TCF12: variants seen among roughly 807,000 people sequenced by gnomAD.
TCF12 encodes DNA-binding protein HTF4.
A neutral mutation model predicts 86.0 loss-of-function variants in TCF12; 45 were observed. The observed-to-expected ratio is 0.52, with a 90% CI of 0.41 to 0.67. TCF12 has a LOEUF of 0.67. Among genes scored for constraint, TCF12 ranks in the 30% least tolerant of loss-of-function variants. The pLI is 0.00. For missense variants in TCF12, 881 were observed against 859.9 expected (o/e 1.02, Z -0.31); for synonymous variants, 330 against 299.6 (o/e 1.10, Z -1.05).
intron 5 of TCF12, among the ~76,000 whole-genome samples, chr15:57,160,259 A>G (rs1459772965): frequency 6.6e-6 from 1 of 152,216 alleles, no homozygotes; most frequent in Non-Finnish European, 1.5e-5. Context: ...AACTTAAATC[A>G]TGGTGGAAGG....
At chr15:57,157,011 G>A (rs2054156333) in intron 5 of TCF12, among the ~76,000 whole-genome samples, 1 of 152,134 alleles carries the variant, frequency 6.6e-6, no homozygotes, top group Non-Finnish European at 1.5e-5. Flanking sequence ...GAAATGAGAT[G>A]CCAAAAGTAG....
chr15:56,928,502 C>T (rs1366355517), intron 3 of TCF12, among the ~76,000 whole-genome samples: 2 of 152,060 alleles, frequency 1.3e-5, no homozygotes, highest in African/African-American at 4.8e-5. Flanking sequence ...AGGCAATACC[C>T]CTACAAGAGC....
At chr15:57,065,298 A>G (rs1001242823) in intron 4 of TCF12, among the ~76,000 whole-genome samples, 8 of 152,172 alleles carry the variant, frequency 5.3e-5, no homozygotes, top group African/African-American at 1.9e-4. Context: ...TTAATCTTGG[A>G]CACACTATTT....
At chr15:57,073,893 C>A (rs1317729294) in intron 4 of TCF12, among the ~76,000 whole-genome samples, 1 of 152,024 alleles carries the variant, frequency 6.6e-6, no homozygotes, top group South Asian at 2.1e-4. Context: ...GGACTACAGG[C>A]GCCCACCACC....
intron 5 of TCF12, among the ~76,000 whole-genome samples, chr15:57,094,535 C>T (rs1264325096): frequency 6.6e-6 from 1 of 152,150 alleles, no homozygotes; most frequent in Admixed American, 6.5e-5. Flanking sequence ...TATATAGTTA[C>T]AGTGGATAGA....
intron 19 of TCF12, among the ~76,000 whole-genome samples, chr15:57,277,593 C>T (rs1306396017): frequency 3.4e-5 from 5 of 145,794 alleles, no homozygotes; most frequent in African/African-American, 1.3e-4. Flanking sequence ...TGTGCCACTG[C>T]ACTCCAGCCT....
chr15:57,141,820 C>G (rs1211030291), intron 5 of TCF12, among the ~76,000 whole-genome samples: 1 of 152,064 alleles, frequency 6.6e-6, no homozygotes, highest in Non-Finnish European at 1.5e-5. Context: ...TTTGCAGTGG[C>G]GGGACACAGG....
chr15:57,243,666 T>G, intron 13 of TCF12, 116 bp downstream of exon 13: 1 of 854,672 alleles, frequency 1.2e-6, no homozygotes, highest in Non-Finnish European at 1.8e-6. Context: ...AGATTTTGAC[T>G]ATAAGAAAGT....
intron 7 of TCF12, among the ~76,000 whole-genome samples, chr15:57,194,058 A>G (rs2057122813): frequency 6.6e-6 from 1 of 152,206 alleles, no homozygotes; most frequent in Non-Finnish European, 1.5e-5. Context: ...ATGTGAGTAT[A>G]TACTGTGACA....
intron 3 of TCF12, among the ~76,000 whole-genome samples, chr15:56,923,649 G>A (rs1430160475): frequency 3.9e-5 from 6 of 152,148 alleles, no homozygotes; most frequent in African/African-American, 1.4e-4. Context: ...AATGGAAATG[G>A]TTCAGATGTT....
chr15:57,262,316 G>A, intron 17 of TCF12, 108 bp downstream of exon 17: 1 of 850,270 alleles, frequency 1.2e-6, no homozygotes, highest in Non-Finnish European at 1.8e-6. Context: ...AGTCATTGAG[G>A]TGAGGGAATT....
chr15:57,251,353 C>G lies in TCF12; in HGVS notation c.1118C>G (p.Thr373Ser), dbSNP rs1303171032. Residue 373 changes from threonine to serine, a missense_variant, in exon 14 of 21, where the codon ACC becomes AGC. By Grantham distance (58) the Thr-to-Ser change is moderately conservative (BLOSUM62 1). This residue lies in a region of TCF12 where 766 missense variants were observed against 718.9 expected (regional missense o/e 1.07). Coordinates refer to ENST00000333725, the MANE Select transcript of TCF12 (RefSeq NM_207037.2). ...PVGSPSPLTG[T>S]SQWPRPGGQA... is the part of the protein sequence containing the mutation. ...GGCTACTTTTGGGTTTTAACAGGTA[C>G]CAGTCAGTGGCCAAGACCTGGAGGG... is the stretch of plus-strand genomic sequence containing the variant. The G allele has an allele frequency of 6.2e-7, 1 of 1,613,840 alleles. No homozygotes were observed. The highest frequency in any genetic ancestry group is 8.5e-7 in the Non-Finnish European group (1 of 1,179,842).
intron 3 of TCF12, among the ~76,000 whole-genome samples, chr15:57,043,380 C>A (rs1182740568): frequency 6.6e-6 from 1 of 152,112 alleles, no homozygotes; most frequent in Admixed American, 6.5e-5. Flanking sequence ...TCCATGGCAA[C>A]CGTATCATTT....
chr15:57,273,351 G>A (rs369644678), intron 19 of TCF12, 89 bp downstream of exon 19: 10 of 1,347,480 alleles, frequency 7.4e-6, no homozygotes, highest in Non-Finnish European at 9.3e-6. Flanking sequence ...TGGAGAAGTT[G>A]TTTGTTATTT....
At chr15:57,203,801 T>C (rs906210801) in intron 8 of TCF12, among the ~76,000 whole-genome samples, 7 of 152,106 alleles carry the variant, frequency 4.6e-5, no homozygotes, top group Non-Finnish European at 1.0e-4. Flanking sequence ...GGCAGGAGGA[T>C]CACTTGAGCC....
intron 3 of TCF12, among the ~76,000 whole-genome samples, chr15:56,927,698 A>G (rs759115855): frequency 3.9e-5 from 6 of 152,130 alleles, no homozygotes; most frequent in Non-Finnish European, 8.8e-5. Flanking sequence ...TCTTTTGGTT[A>G]GGAGATGCAA....
At chr15:57,152,856 CCA>C (rs137874145) in intron 5 of TCF12, among the ~76,000 whole-genome samples, 3 of 150,022 alleles carry the variant, frequency 2.0e-5, no homozygotes, top group Non-Finnish European at 3.0e-5. Flanking sequence ...GAACTCCCCT[CCA>C]CACACACACA....
chr15:57,123,166 A>G (rs2051361419), intron 5 of TCF12, among the ~76,000 whole-genome samples: 1 of 152,222 alleles, frequency 6.6e-6, no homozygotes, highest in South Asian at 2.1e-4. Flanking sequence ...CTATGTCAGA[A>G]AATTTTTGCT....
At chr15:57,207,389 G>T (rs1025053623) in intron 8 of TCF12, among the ~76,000 whole-genome samples, 3 of 151,978 alleles carry the variant, frequency 2.0e-5, no homozygotes, top group South Asian at 4.2e-4. Context: ...TAAATAGGCC[G>T]GGCGCGGTGG....
Sources: allele counts gnomAD v4.1 joint callset (sites outside exome capture counted in the v4.1 genomes callset), GRCh38; gene constraint gnomAD v4.1.1; regional missense constraint gnomAD v4.1.1; transcripts MANE v1.5; gene names NCBI Gene and HGNC (gene_info 2026-07-23, HGNC 2026-07-21).